The following CCDC3 variants were observed in gnomAD, a reference collection of about 807,000 sequenced individuals.
The protein encoded by CCDC3 is coiled-coil domain-containing protein 3.
In CCDC3, 24 loss-of-function variants were observed where a neutral mutation model predicts 21.4. The ratio of observed to expected loss-of-function variants is 1.12; its 90% CI spans 0.81 to 1.58. The LOEUF (loss-of-function observed/expected upper bound fraction) is 1.58, where lower values mean the gene tolerates loss of function less well. Ranked by LOEUF, CCDC3 falls within the 40% of genes most tolerant of loss-of-function variation. The probability of loss-of-function intolerance (pLI) is 0.00; values close to 1 mark genes in which losing one functional copy is unlikely to be tolerated. For synonymous variants in CCDC3, 186 were observed against 166.0 expected (o/e 1.12, Z -0.93); for missense variants, 425 against 360.9 (o/e 1.18, Z -1.44).
intron 2 of CCDC3, among the ~76,000 whole-genome samples, chr10:12,958,736 T>C (rs537486979): frequency 1.3e-5 from 2 of 152,252 alleles, no homozygotes; most frequent in East Asian, 3.9e-4. Context: ...TCCTCTCCTC[T>C]CTGCTGCCCC....
intron 2 of CCDC3, among the ~76,000 whole-genome samples, chr10:12,971,463 A>G (rs549505455): frequency 1.1e-4 from 16 of 152,036 alleles, no homozygotes; most frequent in African/African-American, 2.7e-4. Flanking sequence ...AGGAACCCAC[A>G]CTCTAGGTCC....
intron 2 of CCDC3, among the ~76,000 whole-genome samples, chr10:12,908,197 C>A (rs1834204764): frequency 6.6e-6 from 1 of 152,190 alleles, no homozygotes; most frequent in Non-Finnish European, 1.5e-5. Flanking sequence ...ACACTCGTCT[C>A]ATTAGATGTT....
intron 2 of CCDC3, among the ~76,000 whole-genome samples, chr10:12,973,496 G>A (rs550595032): frequency 9.9e-5 from 15 of 152,192 alleles, no homozygotes; most frequent in Non-Finnish European, 1.6e-4. Flanking sequence ...GGTCCTTGCC[G>A]GTCTGTTCAG....
chr10:13,013,426 T>G (rs1487125529), intron 5 of CCDC3, among the ~76,000 whole-genome samples: 1 of 152,306 alleles, frequency 6.6e-6, no homozygotes, highest in East Asian at 1.9e-4. Flanking sequence ...AAATTAATAA[T>G]GAATTATAAC....
intron 2 of CCDC3, among the ~76,000 whole-genome samples, chr10:12,936,668 C>T (rs1330312164): frequency 2.0e-5 from 3 of 152,242 alleles, no homozygotes; most frequent in South Asian, 2.1e-4. Flanking sequence ...CAGAGGCTTA[C>T]GCCTGTAATC....
chr10:13,035,093 C>A (rs936919573), intron 5 of CCDC3, among the ~76,000 whole-genome samples: 1 of 151,232 alleles, frequency 6.6e-6, no homozygotes, highest in Admixed American at 6.6e-5. Flanking sequence ...GAAACCCCTA[C>A]GAAGCCCAGT....
intron 2 of CCDC3, among the ~76,000 whole-genome samples, chr10:12,904,795 C>G (rs1834146084): frequency 6.6e-6 from 1 of 152,182 alleles, no homozygotes; most frequent in African/African-American, 2.4e-5. Flanking sequence ...AGAATCACCT[C>G]TCATTTCCAA....
chr10:13,045,511 A>G (rs1370834082), intron 5 of CCDC3, among the ~76,000 whole-genome samples: 1 of 151,994 alleles, frequency 6.6e-6, no homozygotes, highest in Non-Finnish European at 1.5e-5. Context: ...CCAGCTACTC[A>G]AGAGGCTGAG....
chr10:13,006,885 T>C (rs1175144925), intron 5 of CCDC3, among the ~76,000 whole-genome samples: 1 of 152,226 alleles, frequency 6.6e-6, no homozygotes, highest in Non-Finnish European at 1.5e-5. Flanking sequence ...TGCTGTTACA[T>C]AGATCAGGCA....
rs770141228 is a variant in CCDC3, at chr10:12,898,635, G to C, written c.594C>G (p.Asp198Glu). ...SVQKALFEEE[D>E]HVKKLQQKVA... ...CTTTCTGCTGCAGTTTCTTGACGTG[G>C]TCCTCCTCCTCAAACAAGGCCTTCT... The change falls in exon 3 of 3, where the codon GAC (aspartate) becomes GAG (glutamate). Residue 198 changes from aspartate (D) to glutamate (E), a missense_variant. By Grantham distance (45) the Asp-to-Glu change is conservative (BLOSUM62 2). Coordinates refer to ENST00000378825, the MANE Select transcript of CCDC3 (RefSeq NM_031455.4). The C allele has an allele frequency of 1.2e-6, 2 of 1,614,206 alleles. No homozygotes were observed. Among genetic ancestry groups the C allele is most frequent in the Non-Finnish European group, 1.7e-6 (2 of 1,180,036 alleles).
intron 3 of CCDC3, among the ~76,000 whole-genome samples, chr10:13,076,706 C>T (rs925226424): frequency 1.3e-5 from 2 of 152,184 alleles, no homozygotes; most frequent in African/African-American, 2.4e-5. Context: ...TGTCCCAGCT[C>T]GCAGCCTATG....
intron 1 of CCDC3, among the ~76,000 whole-genome samples, chr10:12,999,345 T>A (rs1346711209): frequency 6.6e-6 from 1 of 152,208 alleles, no homozygotes; most frequent in Non-Finnish European, 1.5e-5. Flanking sequence ...ACAAAGTAAA[T>A]GCAGTATGCA....
Position 13,019,490 on chromosome 10 carries a change from G to A in CCDC3, c.-1-20978C>T, listed in dbSNP as rs80085575. On this transcript the variant is annotated intron_variant, in intron 5 of 6. Transcript: ENST00000378839. ...GCACACAGCATTTACTGATCTTTCC[G>A]TCTGTGTTCTCGTTGTAGAGGTATC... Among the ~76,000 whole-genome samples the A allele has an allele frequency of 6.7e-3, 967 of 143,358 alleles. 11 individuals are homozygous for A. Among genetic ancestry groups the A allele is most frequent in the African/African-American group, 0.021 (855 of 40,756 alleles). The allele number at this position is 143,358 out of a possible 152,430, so 94.0% of individuals were successfully genotyped here.
chr10:12,905,258 G>A (rs1298342060), intron 2 of CCDC3, among the ~76,000 whole-genome samples: 2 of 152,212 alleles, frequency 1.3e-5, no homozygotes, highest in African/African-American at 2.4e-5. Flanking sequence ...TGTGAATAAA[G>A]TTTTATTAGA....
chr10:13,074,153 A>ATATATATATATTTTTT (rs1365749317), intron 3 of CCDC3: 1 of 64,290 alleles, frequency 1.6e-5, no homozygotes, highest in Non-Finnish European at 2.8e-5. Flanking sequence ...ATATATATAT[A>ATATATATATATTTTTT]TTTTTTTTTT....
At chr10:13,079,028 T>A (rs1837000511) in intron 3 of CCDC3, among the ~76,000 whole-genome samples, 1 of 152,050 alleles carries the variant, frequency 6.6e-6, no homozygotes, top group Non-Finnish European at 1.5e-5. Flanking sequence ...AAAAAAAAAT[T>A]GCTTCCCTTC....
At position 12,899,343 on chromosome 10, in the gene CCDC3, A is replaced by G. The variant is rs538302380; in HGVS notation, c.550-664T>C. Among the ~76,000 whole-genome samples the G allele has an allele frequency of 2.6e-5, 4 of 152,348 alleles. No individual in the cohort carries two copies. The South Asian group carries it at 8.3e-4, about 32-fold the overall frequency. On this transcript the variant is annotated intron_variant, in intron 2 of 2. Coordinates refer to ENST00000378825, the MANE Select transcript of CCDC3 (RefSeq NM_031455.4). The stretch of plus-strand genomic sequence containing the variant: ...ATTAGATTGGCAAAATTTCAGAGTC[A>G]GGATTTGGGAAAACAGGTGCTATCA...
At chr10:12,916,864 G>A (rs1436604958) in intron 2 of CCDC3, among the ~76,000 whole-genome samples, 1 of 152,218 alleles carries the variant, frequency 6.6e-6, no homozygotes, top group Non-Finnish European at 1.5e-5. Flanking sequence ...TCTGAAGCCT[G>A]GAGCTATGAG....
chr10:13,022,776 C>G (rs1836163373), intron 5 of CCDC3, among the ~76,000 whole-genome samples: 1 of 152,166 alleles, frequency 6.6e-6, no homozygotes, highest in Non-Finnish European at 1.5e-5. Context: ...CTATGTATCT[C>G]ACCAATATTA....
Sources: allele counts gnomAD v4.1 joint callset (sites outside exome capture counted in the v4.1 genomes callset), GRCh38; gene constraint gnomAD v4.1.1; transcripts MANE v1.5; gene names NCBI Gene and HGNC (gene_info 2026-07-23, HGNC 2026-07-21).